The following PTPRN2 variants were observed in gnomAD, a reference collection of about 807,000 sequenced individuals.
PTPRN2 encodes receptor-type tyrosine-protein phosphatase N2.
In PTPRN2, 74 loss-of-function variants were observed where a neutral mutation model predicts 118.8. That is an observed-to-expected ratio of 0.62 (90% CI 0.52 to 0.76). The LOEUF is 0.76. Ranked by LOEUF, PTPRN2 falls within the 30% of genes least tolerant of loss-of-function variation. The probability of loss-of-function intolerance (pLI) is 0.00; values close to 1 mark genes in which losing one functional copy is unlikely to be tolerated. For missense variants in PTPRN2, 1,481 were observed against 1,394.4 expected (o/e 1.06, Z -0.99); for synonymous variants, 641 against 608.0 (o/e 1.05, Z -0.80).
intron 1 of PTPRN2, among the ~76,000 whole-genome samples, chr7:158,549,856 A>G (rs1051545661): frequency 6.6e-6 from 1 of 152,242 alleles, no homozygotes; most frequent in African/African-American, 2.4e-5. Context: ...CAAGAGCCCA[A>G]TTAAGAACTT....
At chr7:158,387,378 C>T (rs552454294) in intron 2 of PTPRN2, among the ~76,000 whole-genome samples, 7 of 152,384 alleles carry the variant, frequency 4.6e-5, no homozygotes, top group East Asian at 3.9e-4. Flanking sequence ...CAGGACCACG[C>T]TCACTGCCTT....
At position 157,744,164 on chromosome 7, in the gene PTPRN2, A is replaced by G. The variant is rs370875995; in HGVS notation, c.1789-61227T>C. 4.4e-4 allele frequency among the ~76,000 whole-genome samples: 67 copies of G among 152,296 alleles called. No homozygotes were observed. In the East Asian group the frequency reaches 9.7e-3, roughly 22 times the overall value. ...GTGCTAGGTTACTGGGTACAGCAAG[A>G]CCATGGAGGAATCAGAGCGTAAACA... On this transcript the variant is annotated intron_variant, in intron 12 of 22. Transcript: ENST00000389418.
chr7:158,285,272 G>T (rs1170726889), intron 3 of PTPRN2, among the ~76,000 whole-genome samples: 1 of 152,158 alleles, frequency 6.6e-6, no homozygotes, highest in Non-Finnish European at 1.5e-5. Flanking sequence ...GTGGTCTGGG[G>T]GATCCTGTGC....
intron 3 of PTPRN2, among the ~76,000 whole-genome samples, chr7:158,226,153 C>T (rs375427000): frequency 3.3e-5 from 5 of 152,112 alleles, no homozygotes; most frequent in African/African-American, 1.2e-4. Context: ...CTATTTTAAT[C>T]CTCAGGATTT....
intron 13 of PTPRN2, 149 bp from the exon 14 acceptor site, chr7:157,656,700 G>A (rs868827048): frequency 1.8e-5 from 15 of 818,554 alleles, no homozygotes; most frequent in South Asian, 1.2e-4. Flanking sequence ...GCAGGCCAGC[G>A]CAACATGACG....
At chr7:157,877,741 G>A (rs1441802244) in intron 12 of PTPRN2, among the ~76,000 whole-genome samples, 1 of 152,192 alleles carries the variant, frequency 6.6e-6, no homozygotes, top group Non-Finnish European at 1.5e-5. Flanking sequence ...CAGGTCTCAG[G>A]AACAGGCACT....
chr7:157,718,558 G>A lies in PTPRN2; in HGVS notation c.1789-35621C>T, dbSNP rs143998909. 4.0e-3 allele frequency among the ~76,000 whole-genome samples: 609 copies of A among 151,840 alleles called. 12 individuals are homozygous for A. Among genetic ancestry groups the A allele is most frequent in the East Asian group, 6.6e-3 (34 of 5,166 alleles). On this transcript the variant is annotated intron_variant, in intron 12 of 22. Coordinates refer to ENST00000389418, the MANE Select transcript of PTPRN2 (RefSeq NM_002847.5). ...TCCAGGCGTCTGAGGTGACACTGCAGCCTCTCTCCGTGGCCCTGTGGTGAG... is the reference window on the plus strand; with the variant it reads ...TCCAGGCGTCTGAGGTGACACTGCAACCTCTCTCCGTGGCCCTGTGGTGAG...
chr7:158,209,701 T>A (rs974360311), intron 3 of PTPRN2, among the ~76,000 whole-genome samples: 7 of 152,210 alleles, frequency 4.6e-5, no homozygotes, highest in Non-Finnish European at 1.0e-4. Context: ...ATGGACTGAA[T>A]TGACATTTAC....
intron 4 of PTPRN2, among the ~76,000 whole-genome samples, chr7:158,204,215 G>A (rs950313176): frequency 3.3e-5 from 5 of 149,498 alleles, no homozygotes; most frequent in Non-Finnish European, 5.9e-5. Flanking sequence ...TGAAGACGAA[G>A]CCCCCGCCCT....
At chr7:157,919,525 A>C (rs1798588024) in intron 11 of PTPRN2, among the ~76,000 whole-genome samples, 1 of 152,182 alleles carries the variant, frequency 6.6e-6, no homozygotes, top group African/African-American at 2.4e-5. Context: ...AAAAAACTTG[A>C]GGGAAGAAAT....
chr7:158,502,803 G>C lies in PTPRN2; in HGVS notation c.113-13018C>G, dbSNP rs111585436. 5.7e-3 allele frequency among the ~76,000 whole-genome samples: 867 copies of C among 151,100 alleles called. 6 individuals carry two copies. The highest frequency in any genetic ancestry group is 0.02 in the African/African-American group (823 of 41,038). On this transcript the variant is annotated intron_variant, in intron 1 of 22. Transcript: ENST00000389418. ...AACTACTGTGTCCATCAGCCACTGT[G>C]TCCATCAACTACTGTGTCCATCAAC...
chr7:157,762,594 T>G (rs1585402751), intron 12 of PTPRN2, among the ~76,000 whole-genome samples: 2 of 75,152 alleles, frequency 2.7e-5, no homozygotes, highest in African/African-American at 5.5e-5. Flanking sequence ...GGGACTGTTG[T>G]GGGGTGGGGG....
intron 9 of PTPRN2, among the ~76,000 whole-genome samples, chr7:158,125,380 C>A (rs1179703050): frequency 1.3e-5 from 2 of 152,010 alleles, no homozygotes. Flanking sequence ...CACGGCCACC[C>A]CCCTGCCTCG....
chr7:157,774,050 T>C (rs986362083), intron 12 of PTPRN2, among the ~76,000 whole-genome samples: 23 of 152,274 alleles, frequency 1.5e-4, no homozygotes, highest in East Asian at 5.8e-4. Context: ...GGGAAATAAG[T>C]TGGAGCCTAG....
chr7:158,275,309 A>G (rs904243746), intron 3 of PTPRN2, among the ~76,000 whole-genome samples: 3 of 152,156 alleles, frequency 2.0e-5, no homozygotes, highest in Non-Finnish European at 4.4e-5. Context: ...GGCTGTCTCC[A>G]TGGGAAGGCG....
intron 6 of PTPRN2, among the ~76,000 whole-genome samples, chr7:158,139,642 T>A (rs1016396018): frequency 6.6e-6 from 1 of 151,656 alleles, no homozygotes; most frequent in Non-Finnish European, 1.5e-5. Flanking sequence ...TCAGCTGAGC[T>A]ACTGCAAGTC....
chr7:158,571,126 T>A (rs1193728226), intron 1 of PTPRN2, among the ~76,000 whole-genome samples: 1 of 148,374 alleles, frequency 6.7e-6, no homozygotes, highest in African/African-American at 2.6e-5. Flanking sequence ...GCTTGGAATA[T>A]TTTTTGTTTT....
At chr7:158,089,916 C>T (rs1379266085) in intron 10 of PTPRN2, among the ~76,000 whole-genome samples, 1 of 29,066 alleles carries the variant, frequency 3.4e-5, no homozygotes, top group African/African-American at 5.6e-5. Flanking sequence ...CCTGTCTTCC[C>T]CTGACGAAAG....
At position 157,674,888 on chromosome 7, in the gene PTPRN2, C is replaced by T. The variant is rs933209667; in HGVS notation, c.2001+7837G>A. Reference sequence around the variant, plus strand: ...GGTGGGGGAGGCTCCAGGAGCTACCCGAGGCTTCTTCTCCTTGCCAACAAC... The same window carrying T: ...GGTGGGGGAGGCTCCAGGAGCTACCTGAGGCTTCTTCTCCTTGCCAACAAC... On this transcript the variant is annotated intron_variant, in intron 13 of 22. Transcript: ENST00000389418. The surrounding 1 kb of genome is among the most constrained non-coding windows in gnomAD (Gnocchi z 4.5). 7.9e-5 allele frequency among the ~76,000 whole-genome samples: 12 copies of T among 152,284 alleles called. No homozygotes were observed. Among genetic ancestry groups the T allele is most frequent in the East Asian group, 1.9e-4 (1 of 5,166 alleles).
Sources: gnomAD v4.1 joint callset for allele counts (sites outside exome capture counted in the v4.1 genomes callset) on GRCh38, gnomAD v4.1.1 for gene constraint, Gnocchi (gnomAD v3.1) non-coding constraint, MANE v1.5 for transcripts, NCBI Gene and HGNC (gene_info 2026-07-23, HGNC 2026-07-21) for gene names.